The following SGCZ variants were observed in gnomAD, a reference collection of about 807,000 sequenced individuals.
SGCZ encodes zeta-sarcoglycan.
SGCZ carries 40 observed loss-of-function variants against 41.3 expected under a neutral mutation model. The ratio of observed to expected loss-of-function variants is 0.97; its 90% CI spans 0.75 to 1.26. SGCZ has a LOEUF of 1.26. Among genes scored for constraint, SGCZ ranks in the 50% most tolerant of loss-of-function variants. The pLI, the probability that SGCZ is intolerant of heterozygous loss-of-function variation, is 0.00. For synonymous variants in SGCZ, 206 were observed against 137.5 expected (o/e 1.50, Z -3.49); for missense variants, 552 against 369.8 (o/e 1.49, Z -4.04).
In SGCZ at chr8:15,151,215, T is replaced by G. The variant is rs190929693; in HGVS notation, c.39+86370A>C. ...GCTTCTTGCACATAGACCCTCCTAT[T>G]CTAATCAAGGCTTCAGATGAAGCTG... On this transcript the variant is annotated intron_variant, in intron 1 of 7. Transcript: ENST00000382080. Among the ~76,000 whole-genome samples, 13 of 152,340 alleles carry G rather than the reference T, an allele frequency of 8.5e-5. No homozygotes were observed. In the East Asian group the frequency reaches 2.3e-3, roughly 27 times the overall value.
At chr8:15,049,848 T>G (rs1442577732) in intron 1 of SGCZ, among the ~76,000 whole-genome samples, 1 of 152,148 alleles carries the variant, frequency 6.6e-6, no homozygotes, top group African/African-American at 2.4e-5. Flanking sequence ...TAAATGGAAG[T>G]TCTCCTGCAC....
intron 2 of SGCZ, among the ~76,000 whole-genome samples, chr8:14,361,045 G>T (rs578075234): frequency 7.2e-5 from 11 of 152,260 alleles, no homozygotes; most frequent in African/African-American, 2.4e-4. Context: ...TAATGATGTC[G>T]AACATCTTTC....
chr8:14,990,164 T>C (rs1801960377), intron 1 of SGCZ, among the ~76,000 whole-genome samples: 2 of 152,092 alleles, frequency 1.3e-5, no homozygotes, highest in South Asian at 4.1e-4. Flanking sequence ...CAGTGGCAAT[T>C]AACGCAACAT....
intron 3 of SGCZ, among the ~76,000 whole-genome samples, chr8:14,283,601 A>G (rs1357667141): frequency 6.6e-6 from 1 of 152,228 alleles, no homozygotes; most frequent in South Asian, 2.1e-4. Flanking sequence ...GGGTTATTAC[A>G]AAAAAGACAA....
intron 1 of SGCZ, among the ~76,000 whole-genome samples, chr8:14,605,037 C>T (rs1805705617): frequency 6.6e-6 from 1 of 152,138 alleles, no homozygotes; most frequent in South Asian, 2.1e-4. Context: ...AACCTAATCT[C>T]AGTAATTTGA....
At chr8:14,402,357 C>G (rs1390285734) in intron 2 of SGCZ, among the ~76,000 whole-genome samples, 3 of 151,736 alleles carry the variant, frequency 2.0e-5, no homozygotes, top group South Asian at 4.1e-4. Context: ...ACATGAAGTC[C>G]TTGCCCATGC....
chr8:14,618,464 G>A (rs911594458), intron 1 of SGCZ, among the ~76,000 whole-genome samples: 1 of 152,098 alleles, frequency 6.6e-6, no homozygotes, highest in Non-Finnish European at 1.5e-5. Context: ...AAACAATCCT[G>A]GCATATTCCA....
intron 7 of SGCZ, among the ~76,000 whole-genome samples, chr8:14,099,693 C>A (rs1165775383): frequency 1.3e-5 from 2 of 152,076 alleles, no homozygotes; most frequent in Non-Finnish European, 2.9e-5. Context: ...CCAATGTACT[C>A]CATCCTGGGC....
chr8:14,236,747 T>C (rs1806777326), intron 4 of SGCZ, among the ~76,000 whole-genome samples: 1 of 151,548 alleles, frequency 6.6e-6, no homozygotes. Flanking sequence ...GCAGAACCAA[T>C]ACAGTGTTAC....
chr8:14,352,329 T>C (rs1803130456), intron 2 of SGCZ, among the ~76,000 whole-genome samples: 1 of 151,930 alleles, frequency 6.6e-6, no homozygotes, highest in Non-Finnish European at 1.5e-5. Flanking sequence ...GTAAGGATGA[T>C]AGCTTATATT....
chr8:14,519,602 A>T (rs1802728898), intron 2 of SGCZ, among the ~76,000 whole-genome samples: 1 of 152,122 alleles, frequency 6.6e-6, no homozygotes, highest in Non-Finnish European at 1.5e-5. Context: ...GTAGTGTGCT[A>T]AGAATCAATG....
At chr8:14,726,298 A>G (rs1231272876) in intron 1 of SGCZ, among the ~76,000 whole-genome samples, 2 of 134,366 alleles carry the variant, frequency 1.5e-5, no homozygotes, top group Non-Finnish European at 3.1e-5. Context: ...GTGTGTGTGT[A>G]TATGTGTAAA....
At chr8:14,495,189 G>C (rs75013314) in intron 2 of SGCZ, among the ~76,000 whole-genome samples, 1 of 152,100 alleles carries the variant, frequency 6.6e-6, no homozygotes, top group Non-Finnish European at 1.5e-5. Flanking sequence ...TGCTTTATGG[G>C]AACATATTAT....
chr8:14,221,916 A>G (rs908752170), intron 4 of SGCZ, among the ~76,000 whole-genome samples: 1 of 151,652 alleles, frequency 6.6e-6, no homozygotes. Context: ...AGCCGAGATC[A>G]TGCCACTGCA....
intron 1 of SGCZ, among the ~76,000 whole-genome samples, chr8:14,821,762 G>C (rs190761599): frequency 6.6e-6 from 1 of 151,956 alleles, no homozygotes; most frequent in African/African-American, 2.4e-5. Flanking sequence ...ACAAAATTCA[G>C]CATCCCTTCA....
intron 1 of SGCZ, among the ~76,000 whole-genome samples, chr8:14,747,207 C>A (rs148293068): frequency 2.7e-3 from 414 of 152,288 alleles, no homozygotes; most frequent in African/African-American, 7.3e-3. Flanking sequence ...CGTGTTAGGA[C>A]CACAGACACC....
chr8:14,919,694 G>A (rs961196478), intron 1 of SGCZ, among the ~76,000 whole-genome samples: 2 of 152,154 alleles, frequency 1.3e-5, no homozygotes, highest in African/African-American at 4.8e-5. Flanking sequence ...GAGGCAGGCA[G>A]ATCACTTGAG....
chr8:14,701,005 A>G (rs545346651), intron 1 of SGCZ, among the ~76,000 whole-genome samples: 16 of 152,098 alleles, frequency 1.1e-4, no homozygotes, highest in African/African-American at 3.6e-4. Flanking sequence ...CTAAATTAAA[A>G]TACTTAAAAT....
At chr8:14,241,753 A>T (rs1798901592) in intron 3 of SGCZ, among the ~76,000 whole-genome samples, 1 of 152,146 alleles carries the variant, frequency 6.6e-6, no homozygotes, top group Non-Finnish European at 1.5e-5. Flanking sequence ...CGAGACTGTT[A>T]AGTGGGCCTG....
Sources: allele counts gnomAD v4.1 joint callset (sites outside exome capture counted in the v4.1 genomes callset), GRCh38; gene constraint gnomAD v4.1.1; transcripts MANE v1.5; gene names NCBI Gene and HGNC (gene_info 2026-07-23, HGNC 2026-07-21).